ZBBX: variants seen among roughly 807,000 people sequenced by gnomAD.
ZBBX encodes zinc finger B-box domain-containing protein 1.
ZBBX carries 101 observed loss-of-function variants against 108.5 expected under a neutral mutation model. The ratio of observed to expected loss-of-function variants is 0.93; its 90% CI spans 0.79 to 1.10. The LOEUF (loss-of-function observed/expected upper bound fraction) is 1.10. ZBBX is among the 50% of genes least tolerant of loss of function. The pLI, the probability that ZBBX is intolerant of heterozygous loss-of-function variation, is 0.00. For missense variants in ZBBX, 1,009 were observed against 941.4 expected (o/e 1.07, Z -0.94); for synonymous variants, 356 against 323.4 (o/e 1.10, Z -1.08).
At chr3:167,292,831 A>G (rs1730946637) in intron 18 of ZBBX, among the ~76,000 whole-genome samples, 1 of 152,210 alleles carries the variant, frequency 6.6e-6, no homozygotes. Flanking sequence ...AAAAGAGAGA[A>G]GAATCAAATA....
chr3:167,235,332 G>A (rs932420807), downstream of ZBBX, among the ~76,000 whole-genome samples: 3 of 151,308 alleles, frequency 2.0e-5, no homozygotes, highest in African/African-American at 7.3e-5. Flanking sequence ...ACAACAAAAT[G>A]TTATCCTATA....
chr3:167,213,924 C>A, the ZBBX span, among the ~76,000 whole-genome samples: 1 of 152,080 alleles, frequency 6.6e-6, no homozygotes, highest in African/African-American at 2.4e-5. Flanking sequence ...AATCTTATAT[C>A]CAGCCAAACT....
the ZBBX span, among the ~76,000 whole-genome samples, chr3:167,220,405 T>A: frequency 1.3e-5 from 2 of 152,050 alleles, no homozygotes; most frequent in Non-Finnish European, 2.9e-5. Context: ...GTGGGATGTA[T>A]TGCAGAAATG....
chr3:167,395,803 G>C (rs1182129887), intron 1 of ZBBX, among the ~76,000 whole-genome samples: 1 of 151,930 alleles, frequency 6.6e-6, no homozygotes, highest in Non-Finnish European at 1.5e-5. Flanking sequence ...ATTTGGAAGA[G>C]CTATTGCAAG....
At chr3:167,272,738 A>G (rs571470371) in intron 20 of ZBBX, among the ~76,000 whole-genome samples, 1 of 152,304 alleles carries the variant, frequency 6.6e-6, no homozygotes, top group East Asian at 1.9e-4. Flanking sequence ...TCAGAAAAGT[A>G]TCTCTGCCCC....
At chr3:167,274,408 C>A (rs1727102275) in intron 20 of ZBBX, among the ~76,000 whole-genome samples, 1 of 152,148 alleles carries the variant, frequency 6.6e-6, no homozygotes, top group Non-Finnish European at 1.5e-5. Flanking sequence ...CTCCTCCACC[C>A]TATTCAGATA....
At chr3:167,271,302 T>C (rs1726478605) in intron 20 of ZBBX, among the ~76,000 whole-genome samples, 1 of 152,224 alleles carries the variant, frequency 6.6e-6, no homozygotes, top group African/African-American at 2.4e-5. Flanking sequence ...ATAGCTATTG[T>C]TCATGTTTCC....
At chr3:167,358,380 G>C (rs1408543322) in intron 8 of ZBBX, among the ~76,000 whole-genome samples, 2 of 151,850 alleles carry the variant, frequency 1.3e-5, no homozygotes, top group African/African-American at 2.4e-5. Context: ...GGGGGGAATG[G>C]GGATGGGGAA....
chr3:167,288,976 T>C lies in ZBBX; in HGVS notation c.1887A>G (p.Arg629=). ...SSTRITLAED[R]EWIPDHSLSE... The stretch of plus-strand genomic sequence containing the variant: ...TTAAGCTATGGTCTGGAATCCATTC[T>C]CTGTCTTCTGAAATTGAAAAACAGT... The change falls in exon 19 of 22, where the codon AGA becomes AGG. Residue 629 remains arginine, a synonymous_variant. Coordinates refer to ENST00000675490, the MANE Select transcript of ZBBX (RefSeq NM_001199201.2). 1 of 1,528,368 alleles carries C rather than the reference T, an allele frequency of 6.5e-7. No individual in the cohort carries two copies. The highest frequency in any genetic ancestry group is 8.8e-7 in the Non-Finnish European group (1 of 1,134,332). 94.7% of individuals were successfully genotyped at this position (1,528,368 alleles called of 1,614,324 possible).
chr3:167,249,657 T>C (rs1263485923), intron 20 of ZBBX, among the ~76,000 whole-genome samples: 1 of 152,134 alleles, frequency 6.6e-6, no homozygotes, highest in East Asian at 1.9e-4. Flanking sequence ...CCCTGATAGA[T>C]AAATAGAGGC....
chr3:167,198,152 T>C, the ZBBX span, among the ~76,000 whole-genome samples: 1 of 152,102 alleles, frequency 6.6e-6, no homozygotes, highest in African/African-American at 2.4e-5. Context: ...GAAACCATAA[T>C]AACCTTTCTC....
chr3:167,330,962 T>TCTCTCTCTCTCTCTCTCTCTCTCTCC, intron 10 of ZBBX, among the ~76,000 whole-genome samples: 1 of 147,222 alleles, frequency 6.8e-6, no homozygotes, highest in African/African-American at 2.5e-5. Flanking sequence ...TCTCTCTCTC[T>TCTCTCTCTCTCTCTCTCTCTCTCTCC]CTCCCCCACT....
chr3:167,258,731 C>T (rs1350277108), intron 20 of ZBBX, among the ~76,000 whole-genome samples: 1 of 152,114 alleles, frequency 6.6e-6, no homozygotes, highest in Non-Finnish European at 1.5e-5. Flanking sequence ...TTGAAATGAT[C>T]AGGTGATTTT....
chr3:167,340,607 T>C (rs1333702602), intron 9 of ZBBX, among the ~76,000 whole-genome samples: 1 of 151,994 alleles, frequency 6.6e-6, no homozygotes, highest in Non-Finnish European at 1.5e-5. Context: ...GAAAATAGGC[T>C]TTATCATAGT....
At chr3:167,247,716 G>A (rs1019353018) in intron 20 of ZBBX, among the ~76,000 whole-genome samples, 12 of 152,134 alleles carry the variant, frequency 7.9e-5, no homozygotes, top group Admixed American at 3.3e-4. Context: ...GGGCACTGAA[G>A]AAGCAAGCCA....
At position 167,240,562 on chromosome 3, in the gene ZBBX, T is replaced by C. The variant is rs1720500045; in HGVS notation, c.*231A>G. On this transcript the variant is annotated 3_prime_UTR_variant, in exon 22 of 22. Transcript: ENST00000675490. ...AACAGTTATTTCTTCAAATTCACCA[T>C]ATTTTACTAACATAATCTGCAATAT... 1 of 331,294 alleles carries C rather than the reference T, an allele frequency of 3.0e-6. No homozygotes were observed. The highest frequency in any genetic ancestry group is 5.5e-6 in the Non-Finnish European group (1 of 182,084). 20.5% of individuals were successfully genotyped at this position (331,294 alleles called of 1,614,324 possible).
At chr3:167,245,240 C>T (rs1051317549) in intron 20 of ZBBX, among the ~76,000 whole-genome samples, 4 of 152,084 alleles carry the variant, frequency 2.6e-5, no homozygotes, top group Admixed American at 6.5e-5. Context: ...AGTGAAACCC[C>T]GTCTCTACTA....
At chr3:167,217,650 C>T in the ZBBX span, among the ~76,000 whole-genome samples, 1 of 152,068 alleles carries the variant, frequency 6.6e-6, no homozygotes, top group African/African-American at 2.4e-5. Context: ...ATACCATAAA[C>T]ACACATGCAC....
At chr3:167,222,828 T>G in the ZBBX span, among the ~76,000 whole-genome samples, 1 of 146,502 alleles carries the variant, frequency 6.8e-6, no homozygotes, top group African/African-American at 2.5e-5. Context: ...AGAGAGAGAT[T>G]GGTAACGGGT....
Sources: allele counts gnomAD v4.1 joint callset (sites outside exome capture counted in the v4.1 genomes callset), GRCh38; gene constraint gnomAD v4.1.1; transcripts MANE v1.5; gene names NCBI Gene and HGNC (gene_info 2026-07-23, HGNC 2026-07-21).